CERS3: variants seen among roughly 807,000 people sequenced by gnomAD.
CERS3 encodes LAG1 homolog, ceramide synthase 3.
Under a neutral mutation model 50.3 loss-of-function variants are expected in CERS3, and 33 were observed. That is an observed-to-expected ratio of 0.66 (90% CI 0.50 to 0.88). The LOEUF is 0.88. CERS3 is among the 40% of genes least tolerant of loss of function. CERS3 has a pLI of 0.00. For missense variants in CERS3, 470 were observed against 460.3 expected, an observed-to-expected ratio of 1.02 and a Z score of -0.19; for synonymous variants, 176 against 155.2, an observed-to-expected ratio of 1.13 and a Z score of -0.99.
intron 3 of CERS3, 74 bp downstream of exon 3, chr15:100,501,602 TA>T: frequency 7.8e-7 from 1 of 1,286,018 alleles, no homozygotes; most frequent in Non-Finnish European, 1.1e-6. Context: ...AGGATCTCAC[TA>T]AGCCTAAGAC....
At chr15:100,524,294 A>G (rs2036723243) in intron 1 of CERS3, among the ~76,000 whole-genome samples, 1 of 152,240 alleles carries the variant, frequency 6.6e-6, no homozygotes, top group African/African-American at 2.4e-5. Flanking sequence ...TCTGAAAAGT[A>G]TTTCTTACTA....
intron 11 of CERS3, among the ~76,000 whole-genome samples, chr15:100,445,614 T>C (rs1474752932): frequency 6.6e-6 from 1 of 152,114 alleles, no homozygotes; most frequent in Non-Finnish European, 1.5e-5. Context: ...TATCACCCCT[T>C]ACCACAAAAT....
At chr15:100,408,923 CA>C (rs2031265163) in intron 11 of CERS3, 1 of 152,238 alleles carries the variant, frequency 6.6e-6, no homozygotes, top group Non-Finnish European at 1.5e-5. Flanking sequence ...AACTGAGGCT[CA>C]GGGGGGTTAA....
At chr15:100,466,035 G>A (rs958209907) in intron 10 of CERS3, among the ~76,000 whole-genome samples, 2 of 152,196 alleles carry the variant, frequency 1.3e-5, no homozygotes, top group East Asian at 1.9e-4. Flanking sequence ...CAGCAAATAG[G>A]AGTACTGGCT....
intron 11 of CERS3, among the ~76,000 whole-genome samples, chr15:100,434,946 T>G (rs1018758813): frequency 2.6e-5 from 4 of 152,182 alleles, no homozygotes; most frequent in South Asian, 4.1e-4. Flanking sequence ...TTTCTTGTAC[T>G]TGGTTCTTCC....
At chr15:100,451,309 A>G (rs2034155775) in intron 11 of CERS3, among the ~76,000 whole-genome samples, 1 of 152,240 alleles carries the variant, frequency 6.6e-6, no homozygotes, top group African/African-American at 2.4e-5. Context: ...TTGAATGTAA[A>G]CAGATTAAAC....
At position 100,402,779 on chromosome 15, in the gene CERS3, C is replaced by T. The variant is rs577854100; in HGVS notation, c.1086G>A (p.Met362Ile). The T allele has an allele frequency of 3.1e-6, 5 of 1,614,204 alleles. No homozygotes were observed. In the African/African-American group the frequency reaches 6.7e-5, roughly 22 times the overall value. Residue 362 changes from methionine to isoleucine, a missense_variant, in exon 12 of 12, where the codon ATG becomes ATA. Physicochemically the swap from Met to Ile is conservative, Grantham distance 10. Transcript: ENST00000679737. ...CCCTGAGGCCGTTCTTTAAACAATC[C>T]ATCTCTTTGCCTTTGGTAGCCTCTT... ...EEEEATKGKE[M>I]DCLKNGLRAE... is the part of the protein sequence containing the mutation.
intron 1 of CERS3, among the ~76,000 whole-genome samples, chr15:100,534,312 T>C (rs2037019388): frequency 6.6e-6 from 1 of 152,150 alleles, no homozygotes; most frequent in Non-Finnish European, 1.5e-5. Flanking sequence ...AACCTCTCAG[T>C]CCTCAGGTTT....
intron 5 of CERS3, among the ~76,000 whole-genome samples, chr15:100,482,434 T>C (rs2035335076): frequency 6.6e-6 from 1 of 152,038 alleles, no homozygotes; most frequent in Non-Finnish European, 1.5e-5. Context: ...GTGGACTGCA[T>C]GGATCAGATG....
chr15:100,474,883 G>A (rs191399429), intron 8 of CERS3, among the ~76,000 whole-genome samples: 230 of 152,266 alleles, frequency 1.5e-3, no homozygotes, highest in Non-Finnish European at 2.7e-3. Context: ...TGACTCCAGG[G>A]CCTGTGCTTT....
chr15:100,451,413 T>C (rs1003632082), intron 11 of CERS3, among the ~76,000 whole-genome samples: 8 of 151,898 alleles, frequency 5.3e-5, no homozygotes, highest in African/African-American at 1.5e-4. Flanking sequence ...TGAAAACACA[T>C]ATAGACTAGG....
chr15:100,488,785 T>TG (rs1448062918), intron 4 of CERS3, among the ~76,000 whole-genome samples: 1 of 151,308 alleles, frequency 6.6e-6, no homozygotes, highest in Non-Finnish European at 1.5e-5. Flanking sequence ...TATAACTGTT[T>TG]TTTTTTTTTT....
chr15:100,492,303 G>T (rs965976030), intron 3 of CERS3, among the ~76,000 whole-genome samples: 1 of 152,112 alleles, frequency 6.6e-6, no homozygotes, highest in Non-Finnish European at 1.5e-5. Context: ...AGTGAGTATT[G>T]AAGTTTACAA....
chr15:100,440,858 A>G (rs2033647676), intron 11 of CERS3, among the ~76,000 whole-genome samples: 2 of 152,150 alleles, frequency 1.3e-5, no homozygotes, highest in Non-Finnish European at 2.9e-5. Flanking sequence ...CCCTTCTCTT[A>G]ATTTCAATTC....
intron 10 of CERS3, among the ~76,000 whole-genome samples, chr15:100,461,844 A>C (rs988596): frequency 0.33 from 50,078 of 151,950 alleles, 8,467 homozygotes; most frequent in East Asian, 0.45. Context: ...AAAGAAGTGG[A>C]ACAGGAGTCA....
chr15:100,536,807 GT>G (rs2037085455), intron 1 of CERS3, among the ~76,000 whole-genome samples: 1 of 152,154 alleles, frequency 6.6e-6, no homozygotes, highest in African/African-American at 2.4e-5. Context: ...ATTTATATGA[GT>G]TGCACCACCA....
intron 11 of CERS3, among the ~76,000 whole-genome samples, chr15:100,449,279 C>G (rs1385613279): frequency 6.6e-6 from 1 of 152,224 alleles, no homozygotes; most frequent in East Asian, 1.9e-4. Context: ...CCGTCCTATC[C>G]CATTGCAGCC....
intron 3 of CERS3, among the ~76,000 whole-genome samples, chr15:100,492,398 T>G (rs1480927048): frequency 6.6e-6 from 1 of 152,238 alleles, no homozygotes; most frequent in Non-Finnish European, 1.5e-5. Flanking sequence ...TAAGTGTGTA[T>G]ATGTTTACAA....
intron 5 of CERS3, among the ~76,000 whole-genome samples, chr15:100,482,618 A>G (rs926869042): frequency 1.3e-5 from 2 of 151,520 alleles, no homozygotes; most frequent in Non-Finnish European, 2.9e-5. Flanking sequence ...TTTTAAAAAA[A>G]AGGGCCCATT....
Sources: gnomAD v4.1 joint callset for allele counts (sites outside exome capture counted in the v4.1 genomes callset) on GRCh38, gnomAD v4.1.1 for gene constraint, MANE v1.5 for transcripts, NCBI Gene and HGNC (gene_info 2026-07-23, HGNC 2026-07-21) for gene names.